The following EPHA5 variants were observed in gnomAD, a reference collection of about 807,000 sequenced individuals.
EPHA5 encodes EPH receptor A5.
EPHA5 carries 60 observed loss-of-function variants against 105.0 expected under a neutral mutation model. The ratio of observed to expected loss-of-function variants is 0.57; its 90% CI spans 0.46 to 0.71. The LOEUF (loss-of-function observed/expected upper bound fraction) is 0.71, where lower values mean the gene tolerates loss of function less well. Among genes scored for constraint, EPHA5 ranks in the 30% least tolerant of loss-of-function variants. EPHA5 has a pLI of 0.00. For synonymous variants in EPHA5, 513 were observed against 449.1 expected, an observed-to-expected ratio of 1.14 and a Z score of -1.80; for missense variants, 1,218 against 1,274.7, an observed-to-expected ratio of 0.96 and a Z score of 0.68.
intron 5 of EPHA5, among the ~76,000 whole-genome samples, chr4:65,440,638 A>G (rs955031385): frequency 6.6e-6 from 1 of 151,984 alleles, no homozygotes; most frequent in Non-Finnish European, 1.5e-5. Context: ...TTTTTGTAGC[A>G]TCAGGTCTAG....
At chr4:65,638,512 C>T (rs1294403169) in intron 2 of EPHA5, among the ~76,000 whole-genome samples, 3 of 151,970 alleles carry the variant, frequency 2.0e-5, no homozygotes, top group Non-Finnish European at 4.4e-5. Flanking sequence ...CCGAGGCAGG[C>T]GTATCACCTG....
chr4:65,566,188 T>C (rs1374960488), intron 3 of EPHA5, among the ~76,000 whole-genome samples: 3 of 151,824 alleles, frequency 2.0e-5, no homozygotes, highest in Admixed American at 1.3e-4. Context: ...GGTCTCCTCT[T>C]TCTGTTTAGC....
At chr4:65,499,705 T>C (rs1370416562) in intron 3 of EPHA5, among the ~76,000 whole-genome samples, 1 of 151,602 alleles carries the variant, frequency 6.6e-6, no homozygotes, top group Non-Finnish European at 1.5e-5. Flanking sequence ...TCTCCTACCA[T>C]ACTCATTGTC....
chr4:65,333,539 CTGTGTGTGTGTGTGTGTGTG>C (rs56925203), intron 15 of EPHA5, among the ~76,000 whole-genome samples: 36 of 111,876 alleles, frequency 3.2e-4, no homozygotes, highest in Non-Finnish European at 5.1e-4. Context: ...GAGTGTGTGT[CTGTGTGTGTGTGTGTGTGTG>C]TGTGTGTGTG....
intron 8 of EPHA5, among the ~76,000 whole-genome samples, chr4:65,372,622 G>A (rs899875136): frequency 2.6e-5 from 4 of 151,736 alleles, no homozygotes; most frequent in African/African-American, 4.8e-5. Context: ...TTAGAAAAAC[G>A]TACTTCATTG....
At chr4:65,475,558 A>G (rs1359997780) in intron 5 of EPHA5, among the ~76,000 whole-genome samples, 1 of 152,178 alleles carries the variant, frequency 6.6e-6, no homozygotes, top group Non-Finnish European at 1.5e-5. Flanking sequence ...TTCCCTAGGA[A>G]TAGTAATAAA....
intron 3 of EPHA5, among the ~76,000 whole-genome samples, chr4:65,544,910 T>A (rs1225133460): frequency 3.3e-5 from 5 of 150,068 alleles, no homozygotes; most frequent in African/African-American, 1.2e-4. Flanking sequence ...AGGAATGAGA[T>A]CGTGTCCTTG....
At chr4:65,637,374 T>G (rs1747223102) in intron 2 of EPHA5, among the ~76,000 whole-genome samples, 1 of 151,336 alleles carries the variant, frequency 6.6e-6, no homozygotes, top group Admixed American at 6.6e-5. Flanking sequence ...AGTAAATAAG[T>G]CAAAGAGGAG....
chr4:65,558,364 G>T (rs761155625), intron 3 of EPHA5, among the ~76,000 whole-genome samples: 6 of 151,944 alleles, frequency 3.9e-5, no homozygotes, highest in Non-Finnish European at 7.4e-5. Context: ...ATGCATGCTG[G>T]AGTTGTTCAG....
intron 5 of EPHA5, among the ~76,000 whole-genome samples, chr4:65,486,955 T>C (rs1730941065): frequency 6.6e-6 from 1 of 152,154 alleles, no homozygotes. Context: ...AGAGAGCAAG[T>C]TCTGAAGAGG....
At position 65,586,074 on chromosome 4, in the gene EPHA5, T is replaced by C. The variant is rs373146686; in HGVS notation, c.910+15567A>G. 3.3e-5 allele frequency among the ~76,000 whole-genome samples: 5 copies of C among 151,618 alleles called. No individual in the cohort carries two copies. The East Asian group carries it at 5.8e-4, about 18-fold the overall frequency. ...AAGAGAGAGAGTACACTTAGGGAAA[T>C]TGGATTTGCAGTCAAATTTTCCTTA... On this transcript the variant is annotated intron_variant, in intron 3 of 16. Transcript: ENST00000613740.
rs1475938824 is a variant in EPHA5, at chr4:65,551,967, GCA to G, written c.910+49672_910+49673del. 2.6e-5 allele frequency among the ~76,000 whole-genome samples: 4 copies of G among 152,164 alleles called. No homozygotes were observed. The East Asian group carries it at 7.7e-4, about 29-fold the overall frequency. ...ATTTTTTTCCTCCTACAAACTGGTG[GCA>G]CGAAAATACAAAACACTGTAAATGA... On this transcript the variant is annotated intron_variant, in intron 3 of 16. Transcript: ENST00000613740.
At chr4:65,571,093 T>A (rs1740124266) in intron 3 of EPHA5, among the ~76,000 whole-genome samples, 1 of 151,682 alleles carries the variant, frequency 6.6e-6, no homozygotes, top group African/African-American at 2.4e-5. Flanking sequence ...TTCCACTCCT[T>A]CTCCAAACTC....
At chr4:65,415,469 A>G (rs74873591) in intron 6 of EPHA5, among the ~76,000 whole-genome samples, 4,003 of 152,120 alleles carry the variant, frequency 0.026, 61 homozygotes, top group Admixed American at 0.06. Context: ...AAAATATACA[A>G]TCTATAAACA....
chr4:65,404,166 G>C (rs1228425449), intron 8 of EPHA5, among the ~76,000 whole-genome samples: 3 of 152,218 alleles, frequency 2.0e-5, no homozygotes, highest in Non-Finnish European at 2.9e-5. Context: ...CTTGTGAAGA[G>C]AGCATACCTA....
chr4:65,587,096 A>G (rs1294379528), intron 3 of EPHA5, among the ~76,000 whole-genome samples: 1 of 152,116 alleles, frequency 6.6e-6, no homozygotes, highest in Non-Finnish European at 1.5e-5. Flanking sequence ...ATCAAGAATG[A>G]CATGAAAACA....
intron 2 of EPHA5, among the ~76,000 whole-genome samples, chr4:65,642,293 G>A (rs1191525837): frequency 6.6e-6 from 1 of 152,078 alleles, no homozygotes; most frequent in African/African-American, 2.4e-5. Context: ...TCTGTATGGA[G>A]CGATGATAGA....
Position 65,323,839 on chromosome 4 carries a change from A to G in EPHA5, c.*275T>C, listed in dbSNP as rs1376632392. On this transcript the variant is annotated 3_prime_UTR_variant, in exon 17 of 17. Transcript: ENST00000613740. ...TTCATGTACAAAATTTTGTAGAAGT[A>G]GTGGGAAGGATTCTGTTGTTGTAAC... 1.8e-5 allele frequency: 5 copies of G among 276,300 alleles called. No individual in the cohort carries two copies. The highest frequency in any genetic ancestry group is 3.4e-5 in the Non-Finnish European group (5 of 145,984). 17.1% of individuals were successfully genotyped at this position (276,300 alleles called of 1,614,324 possible). A position where few individuals can be genotyped will look rare whatever the true frequency, so the allele number is the denominator to read the frequency against.
At chr4:65,528,656 T>A (rs1340153303) in intron 3 of EPHA5, among the ~76,000 whole-genome samples, 4 of 152,224 alleles carry the variant, frequency 2.6e-5, no homozygotes, top group Non-Finnish European at 5.9e-5. Context: ...TTGAGATTAC[T>A]TTCATTTCCC....
Sources: gnomAD v4.1 joint callset for allele counts (sites outside exome capture counted in the v4.1 genomes callset) on GRCh38, gnomAD v4.1.1 for gene constraint, MANE v1.5 for transcripts, NCBI Gene and HGNC (gene_info 2026-07-23, HGNC 2026-07-21) for gene names.